The following AUTS2 variants were observed in gnomAD, a reference collection of about 807,000 sequenced individuals.
The protein encoded by AUTS2 is activator of transcription and developmental regulator AUTS2.
A neutral mutation model predicts 112.4 loss-of-function variants in AUTS2; 17 were observed. That is an observed-to-expected ratio of 0.15 (90% CI 0.10 to 0.23). The LOEUF is 0.23. AUTS2 is among the 10% of genes least tolerant of loss of function. The pLI is 1.00. For synonymous variants in AUTS2, 751 were observed against 702.7 expected (o/e 1.07, Z -1.09); for missense variants, 1,510 against 1,701.6 (o/e 0.89, Z 1.98).
Position 69,829,592 on chromosome 7 carries a change from C to G in AUTS2, c.310-69694C>G, listed in dbSNP as rs977057626. Reference sequence around the variant, plus strand: ...GGGCAGAGGGTATGAACAGACACTTCTCAAAAGAAGACATTTATGCGGCCA... The same window carrying G: ...GGGCAGAGGGTATGAACAGACACTTGTCAAAAGAAGACATTTATGCGGCCA... On this transcript the variant is annotated intron_variant, in intron 1 of 18. Transcript: ENST00000342771. Among the ~76,000 whole-genome samples, 73 of 152,124 alleles carry G rather than the reference C, an allele frequency of 4.8e-4. 1 individual carries two copies.
chr7:69,761,742 T>C (rs1213291873), intron 1 of AUTS2, among the ~76,000 whole-genome samples: 1 of 152,196 alleles, frequency 6.6e-6, no homozygotes. Context: ...CTGGGTAAGC[T>C]AATAACTGGA....
intron 5 of AUTS2, among the ~76,000 whole-genome samples, chr7:70,575,298 C>G (rs1406577834): frequency 6.6e-6 from 1 of 152,142 alleles, no homozygotes; most frequent in East Asian, 1.9e-4. Flanking sequence ...CACTAATGAG[C>G]AGGCACATGG....
intron 4 of AUTS2, among the ~76,000 whole-genome samples, chr7:70,308,395 A>C (rs1207840991): frequency 6.6e-6 from 1 of 152,244 alleles, no homozygotes; most frequent in Non-Finnish European, 1.5e-5. Context: ...AGTATAGACT[A>C]GTTTAAGAGC....
chr7:69,793,428 G>A (rs1017202422), intron 1 of AUTS2, among the ~76,000 whole-genome samples: 1 of 152,202 alleles, frequency 6.6e-6, no homozygotes, highest in African/African-American at 2.4e-5. Flanking sequence ...CATCTATCCT[G>A]TCTTTCTTTC....
chr7:69,746,313 A>C (rs1172910743), intron 1 of AUTS2, among the ~76,000 whole-genome samples: 1 of 152,202 alleles, frequency 6.6e-6, no homozygotes, highest in East Asian at 1.9e-4. Context: ...ATGATACAGC[A>C]ACAAACAAAA....
Position 70,789,803 on chromosome 7 carries a change from G to C in AUTS2, c.2587G>C (p.Val863Leu). ...CCCTTCACCAGCACCTGTCCTCCCG[G>C]TGAATGCCCTGGGACATACCCGCAG... ...SHPSPAPVLP[V>L]NALGHTRSST... The change falls in exon 19 of 19, where the codon GTG becomes CTG. Residue 863 changes from valine (V) to leucine (L), a missense_variant. Val to Leu is a conservative substitution (Grantham distance 32, BLOSUM62 1). Around this residue, in one of 3 missense-constraint regions of AUTS2, gnomAD observed 788 missense variants for 797.6 expected, o/e 0.99. Coordinates refer to ENST00000342771, the MANE Select transcript of AUTS2 (RefSeq NM_015570.4). 1 of 1,614,132 alleles carries C rather than the reference G, an allele frequency of 6.2e-7. No homozygotes were observed. Among genetic ancestry groups the C allele is most frequent in the Admixed American group, 1.7e-5 (1 of 60,020 alleles).
At chr7:70,649,962 A>C (rs1806407842) in intron 5 of AUTS2, among the ~76,000 whole-genome samples, 1 of 152,190 alleles carries the variant, frequency 6.6e-6, no homozygotes, top group African/African-American at 2.4e-5. Flanking sequence ...CAAGTAACAG[A>C]ACAAAATGGC....
intron 5 of AUTS2, among the ~76,000 whole-genome samples, chr7:70,493,171 T>TACC (rs1798317171): frequency 2.0e-5 from 3 of 152,208 alleles, no homozygotes; most frequent in African/African-American, 7.2e-5. Context: ...AAAAGGTATA[T>TACC]TTCCACTTCC....
intron 3 of AUTS2, among the ~76,000 whole-genome samples, chr7:70,129,605 G>C (rs989141002): frequency 6.6e-6 from 1 of 152,146 alleles, no homozygotes; most frequent in Non-Finnish European, 1.5e-5. Context: ...AAAGCCACTG[G>C]ACTATGTTAA....
At chr7:69,715,929 A>G (rs1451484826) in intron 1 of AUTS2, among the ~76,000 whole-genome samples, 1 of 152,186 alleles carries the variant, frequency 6.6e-6, no homozygotes, top group Admixed American at 6.5e-5. Context: ...ATCTTTTCTC[A>G]TAGGTGATGA....
At chr7:69,625,162 C>T (rs1285865399) in intron 1 of AUTS2, among the ~76,000 whole-genome samples, 1 of 152,142 alleles carries the variant, frequency 6.6e-6, no homozygotes, top group Non-Finnish European at 1.5e-5. Context: ...ACCTTTGTCT[C>T]TCCCCTTCAA....
intron 6 of AUTS2, among the ~76,000 whole-genome samples, chr7:70,740,945 T>G (rs796239228): frequency 4.4e-4 from 67 of 151,858 alleles, no homozygotes; most frequent in African/African-American, 1.5e-3. Flanking sequence ...AATACAAAAA[T>G]TAGCCGGGCA....
intron 4 of AUTS2, among the ~76,000 whole-genome samples, chr7:70,282,842 C>G (rs1788284378): frequency 3.9e-5 from 6 of 152,056 alleles, no homozygotes; most frequent in Admixed American, 3.9e-4. Flanking sequence ...AGAATTGCTC[C>G]CTCTTCAAGA....
intron 2 of AUTS2, among the ~76,000 whole-genome samples, chr7:69,960,595 GAA>G (rs900002164): frequency 1.1e-4 from 16 of 152,142 alleles, no homozygotes; most frequent in African/African-American, 3.9e-4. Flanking sequence ...ACATTTTTAT[GAA>G]AAGACACAAT....
At chr7:70,584,416 T>C (rs1375332889) in intron 5 of AUTS2, among the ~76,000 whole-genome samples, 2 of 152,238 alleles carry the variant, frequency 1.3e-5, no homozygotes, top group African/African-American at 4.8e-5. Context: ...ACTGGATTTA[T>C]TTCTAGGGTT....
intron 11 of AUTS2, among the ~76,000 whole-genome samples, 156 bp downstream of exon 11, chr7:70,771,800 T>C (rs1251879236): frequency 6.6e-6 from 1 of 152,212 alleles, no homozygotes; most frequent in African/African-American, 2.4e-5. Context: ...TTTCTTTTTT[T>C]TCCAAGTCCA....
chr7:70,472,611 A>G (rs1254055392), intron 5 of AUTS2, among the ~76,000 whole-genome samples: 2 of 152,260 alleles, frequency 1.3e-5, no homozygotes, highest in African/African-American at 4.8e-5. Context: ...AGAATGCTGG[A>G]TACAATGAGG....
chr7:70,790,234 G>T lies in AUTS2; in HGVS notation c.3018G>T (p.Pro1006=). ...AGACCCACCGGGCCTCGGAGCCGCC[G>T]CCTCCCAACTCCTCGTCCAGCGTGC... is the stretch of plus-strand genomic sequence containing the variant. ...APQTHRASEP[P]PPNSSSSVHP... Residue 1006 remains proline, a synonymous_variant, in exon 19 of 19, where the codon CCG becomes CCT. Transcript: ENST00000342771. The surrounding 1 kb of genome is among the most constrained non-coding windows in gnomAD (Gnocchi z 7.6). The T allele has an allele frequency of 1.2e-6, 2 of 1,612,704 alleles. No homozygotes were observed. Among genetic ancestry groups the T allele is most frequent in the Non-Finnish European group, 8.5e-7 (1 of 1,179,790 alleles).
At chr7:70,050,355 CA>C (rs60714093) in intron 2 of AUTS2, among the ~76,000 whole-genome samples, 50 of 72,870 alleles carry the variant, frequency 6.9e-4, no homozygotes, top group African/African-American at 2.3e-3. Context: ...GACTCTGTCT[CA>C]AAAAAAAAAA....
Sources: allele counts gnomAD v4.1 joint callset (sites outside exome capture counted in the v4.1 genomes callset), GRCh38; gene constraint gnomAD v4.1.1; regional missense constraint gnomAD v4.1.1; non-coding constraint Gnocchi (gnomAD v3.1); transcripts MANE v1.5; gene names NCBI Gene and HGNC (gene_info 2026-07-23, HGNC 2026-07-21).